CBFA2T3: variants seen among roughly 807,000 people sequenced by gnomAD.
CBFA2T3 encodes the protein transcriptional corepressor CBFA2T3.
A neutral mutation model predicts 58.6 loss-of-function variants in CBFA2T3; 31 were observed. The observed-to-expected ratio is 0.53, with a 90% CI of 0.40 to 0.71. The LOEUF (loss-of-function observed/expected upper bound fraction) is 0.71, where lower values mean the gene tolerates loss of function less well. Ranked by LOEUF, CBFA2T3 falls within the 30% of genes least tolerant of loss-of-function variation. The probability of loss-of-function intolerance (pLI) is 0.00; values close to 1 mark genes in which losing one functional copy is unlikely to be tolerated. For synonymous variants in CBFA2T3, 531 were observed against 421.9 expected (o/e 1.26, Z -3.17); for missense variants, 1,076 against 963.1 (o/e 1.12, Z -1.55).
chr16:88,898,032 G>A (rs763882552), intron 3 of CBFA2T3, 46 bp downstream of exon 3: 36 of 1,384,130 alleles, frequency 2.6e-5, no homozygotes, highest in Admixed American at 1.7e-4. Flanking sequence ...AGGATGCTGC[G>A]GTGAAGACCT....
chr16:88,904,623 C>T (rs939531431), intron 1 of CBFA2T3, among the ~76,000 whole-genome samples: 5 of 152,362 alleles, frequency 3.3e-5, no homozygotes, highest in Admixed American at 3.3e-4. Flanking sequence ...CTGAGGAACA[C>T]CCTGGGAGCT....
At chr16:88,905,059 G>A (rs777869252) in intron 1 of CBFA2T3, among the ~76,000 whole-genome samples, 1 of 152,100 alleles carries the variant, frequency 6.6e-6, no homozygotes, top group African/African-American at 2.4e-5. Flanking sequence ...TGGAAAGGTA[G>A]AGGAACAGCA....
At chr16:88,879,654 A>C (rs1968986266) in intron 10 of CBFA2T3, 194 bp from the exon 11 acceptor site, 3 of 565,988 alleles carry the variant, frequency 5.3e-6, no homozygotes, top group Non-Finnish European at 6.4e-6. Context: ...ACACACAGAC[A>C]CACGTTGATG....
intron 1 of CBFA2T3, among the ~76,000 whole-genome samples, chr16:88,924,412 C>T (rs915095838): frequency 4.6e-5 from 7 of 151,972 alleles, no homozygotes; most frequent in African/African-American, 7.3e-5. Context: ...GAGAGGGACC[C>T]GGGGTCCAGG....
chr16:88,891,778 T>G, intron 5 of CBFA2T3, 104 bp downstream of exon 5: 1 of 780,130 alleles, frequency 1.3e-6, no homozygotes, highest in Non-Finnish European at 2.2e-6. Flanking sequence ...TCTGGCCACT[T>G]AAGCCCCTTC....
rs556557669 is a variant in CBFA2T3, at chr16:88,913,346, C to A, written c.152-11690G>T. Among the ~76,000 whole-genome samples the A allele has an allele frequency of 2.0e-5, 3 of 152,386 alleles. No individual in the cohort carries two copies. The South Asian group carries it at 6.2e-4, about 32-fold the overall frequency. The stretch of plus-strand genomic sequence containing the variant: ...CAGCCACGCCCAGAAGAACCACCCC[C>A]CTGAGCTTGCCAAAACTGCCAACCT... On this transcript the variant is annotated intron_variant, in intron 1 of 11. Coordinates refer to ENST00000268679, the MANE Select transcript of CBFA2T3 (RefSeq NM_005187.6).
At chr16:88,941,406 C>T (rs994880176) in intron 1 of CBFA2T3, among the ~76,000 whole-genome samples, 22 of 146,602 alleles carry the variant, frequency 1.5e-4, no homozygotes, top group African/African-American at 5.4e-4. Context: ...CCCCCCGCCG[C>T]CGCCGCTGCG....
chr16:88,954,331 C>A (rs1172438578), intron 1 of CBFA2T3, among the ~76,000 whole-genome samples: 1 of 146,546 alleles, frequency 6.8e-6, no homozygotes, highest in Non-Finnish European at 1.5e-5. Context: ...CCACCCAAGG[C>A]TCCTGACCCC....
Position 88,875,566 on chromosome 16 carries a change from G to C in CBFA2T3, c.*1410C>G, listed in dbSNP as rs1407255382. On this transcript the variant is annotated 3_prime_UTR_variant, in exon 12 of 12. Transcript: ENST00000268679. ...GAAAGGGGAGTAGCTGCGGTGGGGC[G>C]ATGGGGCCGAGAGGTTGGAGTTGGG... The C allele has an allele frequency of 1.3e-5, 3 of 233,844 alleles. No individual in the cohort carries two copies. The highest frequency in any genetic ancestry group is 6.6e-5 in the African/African-American group (3 of 45,248). The allele number at this position is 233,844 out of a possible 1,614,324, so 14.5% of individuals were successfully genotyped here.
Position 88,958,623 on chromosome 16 carries a change from A to G in CBFA2T3, c.151+18034T>C, listed in dbSNP as rs1190942808. ...AGGCCTGGGTGGGGGCAGGTGGAGA[A>G]GCACAGTCGCCGCCCAGCAGCCCAG... On this transcript the variant is annotated intron_variant, in intron 1 of 11. Transcript: ENST00000268679. This position sits in a 1 kb window ranked among gnomAD's most constrained non-coding sequence, Gnocchi z 4.0. Among the ~76,000 whole-genome samples, 1 of 152,042 alleles carries G rather than the reference A, an allele frequency of 6.6e-6. No homozygotes were observed. Among genetic ancestry groups the G allele is most frequent in the Non-Finnish European group, 1.5e-5 (1 of 67,952 alleles).
intron 1 of CBFA2T3, among the ~76,000 whole-genome samples, chr16:88,926,487 A>C (rs926548502): frequency 1.3e-5 from 2 of 151,984 alleles, no homozygotes; most frequent in Admixed American, 6.5e-5. Flanking sequence ...CTCTCTTTCT[A>C]TCTCTCCTGC....
At chr16:88,933,888 C>T (rs909788341) in intron 1 of CBFA2T3, among the ~76,000 whole-genome samples, 4 of 151,966 alleles carry the variant, frequency 2.6e-5, no homozygotes, top group African/African-American at 9.7e-5. Context: ...AAGACCGGCA[C>T]GAGGAGGACA....
intron 1 of CBFA2T3, among the ~76,000 whole-genome samples, chr16:88,934,094 T>C (rs944616608): frequency 7.2e-5 from 11 of 152,232 alleles, no homozygotes; most frequent in African/African-American, 2.7e-4. Flanking sequence ...CGAGACAGTC[T>C]GAAATGATCC....
Position 88,881,489 on chromosome 16 carries a change from G to C in CBFA2T3, c.1204C>G (p.Leu402Val), listed in dbSNP as rs764810186. Residue 402 changes from leucine (L) to valine (V), a missense_variant and splice_region_variant, in exon 9 of 12, where the codon CTC (leucine) becomes GTC (valine). Leu to Val is a conservative substitution (Grantham distance 32, BLOSUM62 1). Coordinates refer to ENST00000268679, the MANE Select transcript of CBFA2T3 (RefSeq NM_005187.6). ...ACCATGTCCATGATGCAGTTCAGGA[G>C]CTGGGGGCGGGCGGCGCAGCCTTCA... ...WAEEWKHLNN[L>V]LNCIMDMVEK... 5.0e-6 allele frequency: 8 copies of C among 1,600,006 alleles called. No individual in the cohort carries two copies. Among genetic ancestry groups the C allele is most frequent in the Admixed American group, 1.7e-5 (1 of 59,502 alleles).
At position 88,947,743 on chromosome 16, in the gene CBFA2T3, A is replaced by T. The variant is rs145910956; in HGVS notation, c.151+28914T>A. Among the ~76,000 whole-genome samples, 772 of 152,194 alleles carry T rather than the reference A, an allele frequency of 5.1e-3. 4 individuals are homozygous for T. Among genetic ancestry groups the T allele is most frequent in the African/African-American group, 0.017 (717 of 41,508 alleles). ...AGCCTGGGCAACATAGCAAGACCTC[A>T]TCTCTACAAATAATAAAAAAGTTAG... On this transcript the variant is annotated intron_variant, in intron 1 of 11. Coordinates refer to ENST00000268679, the MANE Select transcript of CBFA2T3 (RefSeq NM_005187.6).
At chr16:88,900,798 G>A (rs1970064962) in intron 2 of CBFA2T3, among the ~76,000 whole-genome samples, 1 of 152,240 alleles carries the variant, frequency 6.6e-6, no homozygotes, top group Non-Finnish European at 1.5e-5. Flanking sequence ...AGGCTCTGCG[G>A]GTGACTGTGA....
chr16:88,877,754 G>A (rs538403217), intron 11 of CBFA2T3, among the ~76,000 whole-genome samples: 1 of 152,274 alleles, frequency 6.6e-6, no homozygotes, highest in African/African-American at 2.4e-5. Flanking sequence ...CTTCCCGTAG[G>A]GTGAGTTGTG....
intron 1 of CBFA2T3, among the ~76,000 whole-genome samples, chr16:88,928,661 G>A (rs1282247195): frequency 2.0e-5 from 3 of 152,342 alleles, no homozygotes; most frequent in South Asian, 2.1e-4. Flanking sequence ...TGTACTGAGC[G>A]CCTCGTGTGT....
At chr16:88,928,598 T>C (rs539844442) in intron 1 of CBFA2T3, among the ~76,000 whole-genome samples, 2 of 152,326 alleles carry the variant, frequency 1.3e-5, no homozygotes, top group Admixed American at 6.5e-5. Context: ...CCGGGCGCTG[T>C]CACCCGCCAG....
Sources: gnomAD v4.1 joint callset for allele counts (sites outside exome capture counted in the v4.1 genomes callset) on GRCh38, gnomAD v4.1.1 for gene constraint, Gnocchi (gnomAD v3.1) non-coding constraint, MANE v1.5 for transcripts, NCBI Gene and HGNC (gene_info 2026-07-23, HGNC 2026-07-21) for gene names.